Variants in CXADR observed in about 807,000 individuals in gnomAD.
CXADR encodes the protein CXADR cell adhesion molecule.
In CXADR, 20 loss-of-function variants were observed where a neutral mutation model predicts 40.3. The ratio of observed to expected loss-of-function variants is 0.50; its 90% CI spans 0.35 to 0.72. The LOEUF is 0.72. Among genes scored for constraint, CXADR ranks in the 30% least tolerant of loss-of-function variants. CXADR has a pLI of 0.01. For synonymous variants in CXADR, 150 were observed against 161.3 expected (o/e 0.93, Z 0.53); for missense variants, 332 against 449.1 (o/e 0.74, Z 2.36).
chr21:17,615,376 A>T, the CXADR span, among the ~76,000 whole-genome samples: 1 of 152,190 alleles, frequency 6.6e-6, no homozygotes, highest in South Asian at 2.1e-4. Flanking sequence ...AGCAGAGCTG[A>T]TGTAAATAAT....
chr21:17,629,387 CA>C, the CXADR span, among the ~76,000 whole-genome samples: 4,060 of 80,562 alleles, frequency 0.05, 68 homozygotes, highest in African/African-American at 0.097. Context: ...GACTGTGTCT[CA>C]AAAAAAAAAA....
Position 17,567,915 on chromosome 21 carries a change from A to G in CXADR, c.*2223A>G. On this transcript the variant is annotated 3_prime_UTR_variant, in exon 7 of 7. Coordinates refer to ENST00000284878, the MANE Select transcript of CXADR (RefSeq NM_001338.5). ...CAAGACTTCTCTTCCCATATACTTC[A>G]TATTTTAGAGGACATTGTTTTAAAG... 2.0e-6 allele frequency: 2 copies of G among 980,894 alleles called. No individual in the cohort carries two copies. The highest frequency in any genetic ancestry group is 4.7e-5 in the South Asian group (1 of 21,188). The allele number at this position is 980,894 out of a possible 1,614,324, so 60.8% of individuals were successfully genotyped here.
chr21:17,558,991 C>T lies in CXADR; in HGVS notation c.431C>T (p.Ala144Val), dbSNP rs142306071. 1.7e-5 allele frequency: 27 copies of T among 1,610,884 alleles called. No individual in the cohort carries two copies. Among genetic ancestry groups the T allele is most frequent in the African/African-American group, 5.4e-5 (4 of 74,760 alleles). ...TCTCTTTCAGTTAAGCCTTCAGGTGCGAGATGTTACGTTGATGGATCTGAA... is the reference window on the plus strand; with the variant it reads ...TCTCTTTCAGTTAAGCCTTCAGGTGTGAGATGTTACGTTGATGGATCTGAA... ...HLVVLVKPSG[A>V]RCYVDGSEEI... is the part of the protein sequence containing the mutation. Residue 144 changes from alanine to valine, a missense_variant, in exon 4 of 7, where the codon GCG (alanine) becomes GTG (valine). Physicochemically the swap from Ala to Val is moderately conservative, Grantham distance 64. This residue lies in a region of CXADR where 162 missense variants were observed against 198.5 expected (regional missense o/e 0.82). Coordinates refer to ENST00000284878, the MANE Select transcript of CXADR (RefSeq NM_001338.5).
chr21:17,546,948 C>A, intron 1 of CXADR, 79 bp from the exon 2 acceptor site: 2 of 1,538,874 alleles, frequency 1.3e-6, no homozygotes, highest in Non-Finnish European at 1.8e-6. Flanking sequence ...CAATGTGCTG[C>A]TTCTGAATGG....
intron 1 of CXADR, among the ~76,000 whole-genome samples, chr21:17,537,952 C>A (rs1231230602): frequency 6.6e-5 from 10 of 151,968 alleles, no homozygotes; most frequent in Admixed American, 6.6e-4. Flanking sequence ...AGGGGCTGAA[C>A]TGAGACCATA....
rs2061106164 is a variant in CXADR, at chr21:17,560,711, C to T, written c.581C>T (p.Ser194Leu). The change falls in exon 5 of 7, where the codon TCA becomes TTA. Residue 194 changes from serine (S) to leucine (L), a missense_variant. By Grantham distance (145) the Ser-to-Leu change is moderately radical (BLOSUM62 -2). Transcript: ENST00000284878. Reference protein sequence around the residue: ...MPTSWLAEMTSSVISVKNASS... With the variant: ...MPTSWLAEMTLSVISVKNASS... ...TTTCCTCCTTCCATAGAAATGACTT[C>T]ATCTGTTATATCTGTAAAAAATGCC... 1 of 1,612,056 alleles carries T rather than the reference C, an allele frequency of 6.2e-7. No individual in the cohort carries two copies. The highest frequency in any genetic ancestry group is 1.3e-5 in the African/African-American group (1 of 74,860).
At chr21:17,623,756 C>T in the CXADR span, among the ~76,000 whole-genome samples, 1 of 152,162 alleles carries the variant, frequency 6.6e-6, no homozygotes, top group African/African-American at 2.4e-5. Context: ...CTTTTTTCTC[C>T]ATGGCTGGGA....
rs2061214218 is a variant in CXADR, at chr21:17,566,763, T to C, written c.*1071T>C. 1 of 964,936 alleles carries C rather than the reference T, an allele frequency of 1.0e-6. No homozygotes were observed. Among genetic ancestry groups the C allele is most frequent in the Admixed American group, 6.2e-5 (1 of 16,228 alleles). The allele number at this position is 964,936 out of a possible 1,614,324, so 59.8% of individuals were successfully genotyped here. Reference sequence around the variant, plus strand: ...TATAATCCCTGGATGATATTTTTTATCATAAATGCAGAATAATCAAATACA... The same window carrying C: ...TATAATCCCTGGATGATATTTTTTACCATAAATGCAGAATAATCAAATACA... On this transcript the variant is annotated 3_prime_UTR_variant, in exon 7 of 7. Coordinates refer to ENST00000284878, the MANE Select transcript of CXADR (RefSeq NM_001338.5).
rs116752928 is a variant in CXADR, at chr21:17,532,309, G to A, written c.44-14718G>A. Among the ~76,000 whole-genome samples the A allele has an allele frequency of 9.9e-3, 1,502 of 152,094 alleles. 25 individuals are homozygous for A. The highest frequency in any genetic ancestry group is 0.034 in the African/African-American group (1,406 of 41,494). On this transcript the variant is annotated intron_variant, in intron 1 of 6. Coordinates refer to ENST00000284878, the MANE Select transcript of CXADR (RefSeq NM_001338.5). ...GGTGTTTGGCTATAAGATTTTTAAC[G>A]TCTCCTATTCTATTTGCTTTTTCCT...
chr21:17,570,779 TAA>T (rs1372918292), downstream of CXADR, among the ~76,000 whole-genome samples: 1 of 152,194 alleles, frequency 6.6e-6, no homozygotes, highest in Non-Finnish European at 1.5e-5. Context: ...CGTTATGGCT[TAA>T]AGTATTTTCA....
At chr21:17,521,088 G>GA (rs1470045250) in intron 1 of CXADR, among the ~76,000 whole-genome samples, 4 of 152,170 alleles carry the variant, frequency 2.6e-5, no homozygotes, top group Non-Finnish European at 5.9e-5. Flanking sequence ...AGGACTAGAA[G>GA]AGAAGGTGAA....
intron 1 of CXADR, among the ~76,000 whole-genome samples, chr21:17,533,505 T>C (rs2060704684): frequency 1.3e-5 from 2 of 152,222 alleles, no homozygotes; most frequent in Non-Finnish European, 2.9e-5. Context: ...CCAGAATCAG[T>C]CGGCCTAGAT....
At chr21:17,608,852 G>A in the CXADR span, 1 of 960,446 alleles carries the variant, frequency 1.0e-6, no homozygotes, top group African/African-American at 1.7e-5. Context: ...AAACACCCCA[G>A]AGTTCTATAT....
the CXADR span, among the ~76,000 whole-genome samples, chr21:17,609,396 C>T: frequency 1.3e-5 from 2 of 152,094 alleles, no homozygotes; most frequent in Non-Finnish European, 2.9e-5. Flanking sequence ...AAAGATAGCA[C>T]GTTGCTCCTG....
At position 17,569,880 on chromosome 21, in the gene CXADR, G is replaced by C; in HGVS notation, c.*4188G>C. The C allele has an allele frequency of 1.0e-6, 1 of 985,048 alleles. No homozygotes were observed. The highest frequency in any genetic ancestry group is 4.7e-5 in the South Asian group (1 of 21,268). The allele number at this position is 985,048 out of a possible 1,614,324, so 61.0% of individuals were successfully genotyped here. A position where few individuals can be genotyped will look rare whatever the true frequency, so the allele number is the denominator to read the frequency against. Reference sequence around the variant, plus strand: ...TTCTTTTCCCTAATTGTGAATTTTAGTGATAAATACACCTGTACTACTGAG... The same window carrying C: ...TTCTTTTCCCTAATTGTGAATTTTACTGATAAATACACCTGTACTACTGAG... On this transcript the variant is annotated 3_prime_UTR_variant, in exon 7 of 7. Coordinates refer to ENST00000284878, the MANE Select transcript of CXADR (RefSeq NM_001338.5).
intron 3 of CXADR, among the ~76,000 whole-genome samples, chr21:17,554,671 T>C (rs1192870164): frequency 6.6e-6 from 1 of 152,198 alleles, no homozygotes; most frequent in East Asian, 1.9e-4. Context: ...ACCACCAGAA[T>C]TATATTCTCT....
intron 4 of CXADR, among the ~76,000 whole-genome samples, chr21:17,559,674 T>C (rs1224429143): frequency 7.0e-6 from 1 of 143,858 alleles, no homozygotes; most frequent in Non-Finnish European, 1.5e-5. Context: ...TTTGGGTTTT[T>C]TTTTTTTTTT....
At chr21:17,537,170 C>T (rs2060769365) in intron 1 of CXADR, among the ~76,000 whole-genome samples, 2 of 152,266 alleles carry the variant, frequency 1.3e-5, no homozygotes, top group South Asian at 4.1e-4. Flanking sequence ...GTGTTCCACA[C>T]ATGTGGACTG....
At chr21:17,529,267 G>A (rs893335287) in intron 1 of CXADR, among the ~76,000 whole-genome samples, 1 of 151,658 alleles carries the variant, frequency 6.6e-6, no homozygotes. Flanking sequence ...TCCTGACTTC[G>A]TGATTCACCC....
Sources: allele counts gnomAD v4.1 joint callset (sites outside exome capture counted in the v4.1 genomes callset), GRCh38; gene constraint gnomAD v4.1.1; regional missense constraint gnomAD v4.1.1; transcripts MANE v1.5; gene names NCBI Gene and HGNC (gene_info 2026-07-23, HGNC 2026-07-21).